Variants in SLC25A21 observed in about 807,000 individuals in gnomAD.
SLC25A21 encodes the protein mitochondrial 2-oxodicarboxylate carrier.
A neutral mutation model predicts 43.8 loss-of-function variants in SLC25A21; 47 were observed. That is an observed-to-expected ratio of 1.07 (90% CI 0.85 to 1.37). The LOEUF is 1.37. Ranked by LOEUF, SLC25A21 falls within the 40% of genes most tolerant of loss-of-function variation. The probability of loss-of-function intolerance (pLI) is 0.00; values close to 1 mark genes in which losing one functional copy is unlikely to be tolerated. For missense variants in SLC25A21, 352 were observed against 350.2 expected (o/e 1.00, Z -0.04); for synonymous variants, 131 against 121.3 (o/e 1.08, Z -0.52).
At chr14:36,980,956 A>AAAGAACT (rs1458398563) in intron 1 of SLC25A21, among the ~76,000 whole-genome samples, 1 of 152,244 alleles carries the variant, frequency 6.6e-6, no homozygotes, top group Non-Finnish European at 1.5e-5. Flanking sequence ...CAAAGGGCTA[A>AAAGAACT]TATCCAGAAT....
chr14:36,998,229 G>C (rs374301423), intron 1 of SLC25A21, among the ~76,000 whole-genome samples: 3 of 152,192 alleles, frequency 2.0e-5, no homozygotes, highest in Non-Finnish European at 2.9e-5. Context: ...TCATTTCACA[G>C]TGAGGGATAT....
chr14:36,885,623 T>C (rs1890891268), intron 1 of SLC25A21, among the ~76,000 whole-genome samples: 1 of 152,208 alleles, frequency 6.6e-6, no homozygotes, highest in African/African-American at 2.4e-5. Flanking sequence ...ACTTGTATTG[T>C]CTTCATGATA....
intron 3 of SLC25A21, among the ~76,000 whole-genome samples, chr14:36,793,573 C>T (rs2138405404): frequency 6.7e-6 from 1 of 148,816 alleles, no homozygotes; most frequent in African/African-American, 2.5e-5. Flanking sequence ...TCATGATGGT[C>T]TCATACATGT....
chr14:37,040,155 G>A (rs1261686962), intron 1 of SLC25A21, among the ~76,000 whole-genome samples: 2 of 148,248 alleles, frequency 1.3e-5, no homozygotes, highest in African/African-American at 5.1e-5. Context: ...AACCAAGATT[G>A]AGCCACTGTA....
At chr14:36,926,842 T>A (rs943568986) in intron 1 of SLC25A21, among the ~76,000 whole-genome samples, 1 of 152,138 alleles carries the variant, frequency 6.6e-6, no homozygotes, top group Non-Finnish European at 1.5e-5. Context: ...AAAGAGGGCA[T>A]TTCTATAGTA....
At chr14:37,093,262 A>G (rs746677980) in intron 1 of SLC25A21, among the ~76,000 whole-genome samples, 8 of 152,206 alleles carry the variant, frequency 5.3e-5, no homozygotes, top group Non-Finnish European at 7.3e-5. Context: ...AGTTTATCAA[A>G]TAAAATTACA....
intron 2 of SLC25A21, among the ~76,000 whole-genome samples, chr14:36,871,499 C>T (rs1890372809): frequency 6.6e-6 from 1 of 152,132 alleles, no homozygotes; most frequent in Admixed American, 6.5e-5. Flanking sequence ...TTGTAATCTG[C>T]TGAGATTTAA....
chr14:36,976,602 A>C (rs1959877886), intron 1 of SLC25A21, among the ~76,000 whole-genome samples: 1 of 152,076 alleles, frequency 6.6e-6, no homozygotes, highest in South Asian at 2.1e-4. Context: ...ACATGGTGAG[A>C]GGATTTGCCT....
At chr14:36,972,442 A>G (rs1457231830) in intron 1 of SLC25A21, among the ~76,000 whole-genome samples, 1 of 152,226 alleles carries the variant, frequency 6.6e-6, no homozygotes, top group Non-Finnish European at 1.5e-5. Flanking sequence ...TCCCTTTCAT[A>G]GATCTTAAAT....
At chr14:37,078,935 G>C (rs1483918441) in intron 1 of SLC25A21, among the ~76,000 whole-genome samples, 2 of 151,754 alleles carry the variant, frequency 1.3e-5, no homozygotes, top group African/African-American at 4.8e-5. Context: ...GGATTTGTAT[G>C]ACTTCACTTG....
At chr14:36,814,599 C>A (rs967058928) in intron 2 of SLC25A21, among the ~76,000 whole-genome samples, 7 of 152,142 alleles carry the variant, frequency 4.6e-5, no homozygotes, top group African/African-American at 1.7e-4. Context: ...TAGAGAAATG[C>A]AAATCAAAAC....
chr14:36,827,718 C>T (rs1381962635), intron 2 of SLC25A21, among the ~76,000 whole-genome samples: 1 of 152,020 alleles, frequency 6.6e-6, no homozygotes, highest in Non-Finnish European at 1.5e-5. Flanking sequence ...TTTCAGTTAA[C>T]TATTAAGAGA....
chr14:36,862,563 A>G (rs1890099038), intron 2 of SLC25A21, among the ~76,000 whole-genome samples: 2 of 152,192 alleles, frequency 1.3e-5, no homozygotes, highest in South Asian at 4.1e-4. Flanking sequence ...GAACAATGAG[A>G]ACACATGGAC....
intron 1 of SLC25A21, among the ~76,000 whole-genome samples, chr14:37,064,033 G>A (rs114118035): frequency 0.011 from 1,622 of 152,288 alleles, 23 homozygotes; most frequent in African/African-American, 0.037. Context: ...GGTGTTTCCA[G>A]GAAAGATTGA....
At chr14:37,026,070 A>G (rs1961086688) in intron 1 of SLC25A21, among the ~76,000 whole-genome samples, 2 of 152,098 alleles carry the variant, frequency 1.3e-5, no homozygotes, top group South Asian at 2.1e-4. Context: ...TCATCTCCCT[A>G]AAGACTAGAC....
At chr14:37,022,325 C>T (rs1961004697) in intron 1 of SLC25A21, among the ~76,000 whole-genome samples, 16 of 151,860 alleles carry the variant, frequency 1.1e-4, no homozygotes, top group Admixed American at 1.1e-3. Flanking sequence ...GTATAGTTTT[C>T]AATGTTTCAC....
intron 1 of SLC25A21, among the ~76,000 whole-genome samples, chr14:37,065,772 A>C (rs1349577647): frequency 1.3e-5 from 2 of 152,250 alleles, no homozygotes; most frequent in Non-Finnish European, 2.9e-5. Flanking sequence ...ATATATGGTA[A>C]AACAATTATG....
At chr14:36,810,790 A>G (rs848084) in intron 3 of SLC25A21, among the ~76,000 whole-genome samples, 29,133 of 151,602 alleles carry the variant, frequency 0.19, 3,033 homozygotes, top group Non-Finnish European at 0.23. Flanking sequence ...CTTAGGAAAT[A>G]TATTCTTGGG....
intron 1 of SLC25A21, among the ~76,000 whole-genome samples, chr14:36,979,751 C>T (rs1959976563): frequency 6.6e-6 from 1 of 152,096 alleles, no homozygotes. Flanking sequence ...AAAACCCGGA[C>T]CCTGAAAACC....
Sources: allele counts gnomAD v4.1 joint callset (sites outside exome capture counted in the v4.1 genomes callset), GRCh38; gene constraint gnomAD v4.1.1; transcripts MANE v1.5; gene names NCBI Gene and HGNC (gene_info 2026-07-23, HGNC 2026-07-21).